Variants in CCDC68 observed in about 807,000 individuals in gnomAD.
CCDC68 encodes the protein coiled-coil domain-containing protein 68.
CCDC68 carries 45 observed loss-of-function variants against 47.1 expected under a neutral mutation model. The observed-to-expected ratio is 0.96, with a 90% CI of 0.75 to 1.23. The LOEUF (loss-of-function observed/expected upper bound fraction) is 1.23. Among genes scored for constraint, CCDC68 ranks in the 50% most tolerant of loss-of-function variants. CCDC68 has a pLI of 0.00. For synonymous variants in CCDC68, 131 were observed against 129.5 expected (o/e 1.01, Z -0.08); for missense variants, 353 against 373.6 (o/e 0.94, Z 0.45).
chr18:54,953,956 C>T (rs2044664195), intron 1 of CCDC68, among the ~76,000 whole-genome samples: 1 of 146,778 alleles, frequency 6.8e-6, no homozygotes, highest in Non-Finnish European at 1.5e-5. Flanking sequence ...TATTCAGGGC[C>T]TGAAACAGCC....
In CCDC68 at chr18:54,909,892, C is replaced by T. The variant is rs554344138; in HGVS notation, c.874-2030G>A. Among the ~76,000 whole-genome samples, 5 of 152,344 alleles carry T rather than the reference C, an allele frequency of 3.3e-5. No homozygotes were observed. The South Asian group carries it at 1.0e-3, about 32-fold the overall frequency. ...CCCAGGTCTGGGCTGCCCAAAGGGC[C>T]ACAGCTCTTCTTTCCTTCTCTTTGC... On this transcript the variant is annotated intron_variant, in intron 10 of 11. Coordinates refer to ENST00000591504, the MANE Select transcript of CCDC68 (RefSeq NM_025214.3).
At chr18:54,958,472 C>T (rs1381568168) in intron 1 of CCDC68, among the ~76,000 whole-genome samples, 1 of 152,146 alleles carries the variant, frequency 6.6e-6, no homozygotes, top group Non-Finnish European at 1.5e-5. Context: ...CAGAATAATT[C>T]CTTTTTGTAT....
At chr18:54,957,670 C>G (rs1439761520) in intron 1 of CCDC68, among the ~76,000 whole-genome samples, 1 of 146,888 alleles carries the variant, frequency 6.8e-6, no homozygotes, top group Non-Finnish European at 1.5e-5. Context: ...TTTTCCAAAC[C>G]TATATAAATG....
chr18:54,907,676 C>A (rs150897415), intron 11 of CCDC68, 110 bp downstream of exon 11: 35 of 665,780 alleles, frequency 5.3e-5, no homozygotes, highest in African/African-American at 4.1e-4. Context: ...AAACAGTAAA[C>A]AAATGATTAC....
At chr18:54,953,040 T>A (rs1008136123) in intron 1 of CCDC68, among the ~76,000 whole-genome samples, 2 of 151,808 alleles carry the variant, frequency 1.3e-5, no homozygotes, top group African/African-American at 4.8e-5. Flanking sequence ...GTATTACGGA[T>A]ACACCCAACA....
intron 7 of CCDC68, among the ~76,000 whole-genome samples, chr18:54,930,235 T>A (rs1200459821): frequency 6.6e-6 from 1 of 152,232 alleles, no homozygotes; most frequent in Non-Finnish European, 1.5e-5. Flanking sequence ...TCTTACTGTT[T>A]CCCTCATTAA....
chr18:54,920,060 G>C (rs1357025095), intron 8 of CCDC68, among the ~76,000 whole-genome samples: 1 of 152,048 alleles, frequency 6.6e-6, no homozygotes, highest in Non-Finnish European at 1.5e-5. Flanking sequence ...CTTCATTCAG[G>C]TAACTGGAAT....
intron 10 of CCDC68, among the ~76,000 whole-genome samples, chr18:54,914,608 A>T (rs2145399397): frequency 6.6e-6 from 1 of 152,236 alleles, no homozygotes; most frequent in South Asian, 2.1e-4. Flanking sequence ...CCTGGGTGAC[A>T]AAGTGAGACT....
intron 4 of CCDC68, 82 bp from the exon 5 acceptor site, chr18:54,938,179 AC>A (rs1259667195): frequency 7.6e-7 from 1 of 1,315,562 alleles, no homozygotes; most frequent in Non-Finnish European, 1.0e-6. Flanking sequence ...ATTTAGTATT[AC>A]ATATATCAAA....
At chr18:54,958,665 A>G (rs2044752563) in intron 1 of CCDC68, among the ~76,000 whole-genome samples, 1 of 152,200 alleles carries the variant, frequency 6.6e-6, no homozygotes, top group South Asian at 2.1e-4. Context: ...ATTCACAGCT[A>G]TGTTATCATC....
intron 8 of CCDC68, 78 bp downstream of exon 8, chr18:54,928,722 T>C: frequency 1.1e-6 from 1 of 885,810 alleles, no homozygotes; most frequent in Admixed American, 1.9e-5. Flanking sequence ...ACAGAAGGTC[T>C]TCTGTTCCCT....
At chr18:54,916,420 T>A (rs2043954216) in intron 10 of CCDC68, among the ~76,000 whole-genome samples, 1 of 152,074 alleles carries the variant, frequency 6.6e-6, no homozygotes, top group Admixed American at 6.6e-5. Flanking sequence ...AACATGATAG[T>A]GGAAGGAATA....
intron 1 of CCDC68, among the ~76,000 whole-genome samples, chr18:54,947,370 C>T (rs993224298): frequency 6.6e-5 from 10 of 152,206 alleles, no homozygotes; most frequent in Non-Finnish European, 1.5e-4. Context: ...ACCTCAACTT[C>T]AACCACCCCA....
At chr18:54,942,108 C>T (rs1164940898) in intron 3 of CCDC68, among the ~76,000 whole-genome samples, 1 of 152,196 alleles carries the variant, frequency 6.6e-6, no homozygotes, top group Non-Finnish European at 1.5e-5. Context: ...TACTCTAGCA[C>T]ATTTTAAGTG....
chr18:54,953,012 C>CA (rs917825888), intron 1 of CCDC68, among the ~76,000 whole-genome samples: 1,338 of 132,892 alleles, frequency 0.01, 13 homozygotes, highest in African/African-American at 0.028. Flanking sequence ...GACTCTGTTT[C>CA]AAAAAAAAAA....
Position 54,902,381 on chromosome 18 carries a change from G to T in CCDC68, c.*1977C>A, listed in dbSNP as rs1282445005. 1 of 152,178 alleles carries T rather than the reference G, an allele frequency of 6.6e-6. No homozygotes were observed. The highest frequency in any genetic ancestry group is 1.5e-5 in the Non-Finnish European group (1 of 68,024). 9.4% of individuals were successfully genotyped at this position (152,178 alleles called of 1,614,324 possible). ...TTTATTACAATCCAGCATGATGAAT[G>T]AGGTATAAAAGGAATCTGGTCTCCT... On this transcript the variant is annotated 3_prime_UTR_variant, in exon 12 of 12. Transcript: ENST00000591504.
rs906516121 is a variant in CCDC68 at position 54,936,142 on chromosome 18, A to G, written c.471+691T>C. ...GATAAATATATTTATTTATATAGAT[A>G]TTATATATTTATTTATTATATTAGA... On this transcript the variant is annotated intron_variant, in intron 6 of 11. Coordinates refer to ENST00000591504, the MANE Select transcript of CCDC68 (RefSeq NM_025214.3). Among the ~76,000 whole-genome samples, 17 of 145,942 alleles carry G rather than the reference A, an allele frequency of 1.2e-4. No individual in the cohort carries two copies. The Admixed American group carries it at 1.2e-3, about 10-fold the overall frequency.
At position 54,901,813 on chromosome 18, in the gene CCDC68, T is replaced by C. The variant is rs939918851; in HGVS notation, c.*2545A>G. ...AAAACTGAACTAGTGTTTCTTTTCC[T>C]ATATTTCCTGTGAAGTACTATTTTA... On this transcript the variant is annotated 3_prime_UTR_variant, in exon 12 of 12. Transcript: ENST00000591504. The C allele has an allele frequency of 2.0e-5, 3 of 152,204 alleles. No homozygotes were observed. The highest frequency in any genetic ancestry group is 4.4e-5 in the Non-Finnish European group (3 of 68,038). The allele number at this position is 152,204 out of a possible 1,614,324, so 9.4% of individuals were successfully genotyped here. A position where few individuals can be genotyped will look rare whatever the true frequency, so the allele number is the denominator to read the frequency against.
At chr18:54,926,252 T>G (rs1320743370) in intron 8 of CCDC68, among the ~76,000 whole-genome samples, 2 of 152,182 alleles carry the variant, frequency 1.3e-5, no homozygotes, top group Non-Finnish European at 2.9e-5. Flanking sequence ...GTTTAGTTGA[T>G]TCACAGTTCT....
Sources: gnomAD v4.1 joint callset for allele counts (sites outside exome capture counted in the v4.1 genomes callset) on GRCh38, gnomAD v4.1.1 for gene constraint, MANE v1.5 for transcripts, NCBI Gene and HGNC (gene_info 2026-07-23, HGNC 2026-07-21) for gene names.